SIN3B: variants seen among roughly 807,000 people sequenced by gnomAD.
SIN3B encodes the protein paired amphipathic helix protein Sin3b.
A neutral mutation model predicts 120.2 loss-of-function variants in SIN3B; 19 were observed. The ratio of observed to expected loss-of-function variants is 0.16; its 90% confidence interval spans 0.11 to 0.23. The LOEUF is 0.23. Among genes scored for constraint, SIN3B ranks in the 10% least tolerant of loss-of-function variants. The pLI, the probability that SIN3B is intolerant of heterozygous loss-of-function variation, is 1.00. For synonymous variants in SIN3B, 654 were observed against 653.2 expected, an observed-to-expected ratio of 1.00 and a Z score of -0.02; for missense variants, 1,073 against 1,573.0, an observed-to-expected ratio of 0.68 and a Z score of 5.38.
At chr19:16,869,158 C>A (rs1050884739) in intron 12 of SIN3B, among the ~76,000 whole-genome samples, 4 of 152,140 alleles carry the variant, frequency 2.6e-5, no homozygotes, top group Non-Finnish European at 4.4e-5. Context: ...CGCTGTCAGA[C>A]CCCCTGTGAA....
intron 4 of SIN3B, among the ~76,000 whole-genome samples, chr19:16,845,451 T>C (rs189375611): frequency 1.3e-5 from 2 of 152,036 alleles, no homozygotes; most frequent in Admixed American, 1.3e-4. Flanking sequence ...TTTTGTATTT[T>C]TAGTAGAGAT....
chr19:16,857,517 A>ATG (rs72233219), intron 8 of SIN3B, among the ~76,000 whole-genome samples: 2,802 of 93,462 alleles, frequency 0.03, 52 homozygotes, highest in South Asian at 0.079. Flanking sequence ...TAAAAAAAAT[A>ATG]TGTGTGTGTG....
chr19:16,835,022 G>T (rs564452938), intron 3 of SIN3B, among the ~76,000 whole-genome samples: 1 of 151,090 alleles, frequency 6.6e-6, no homozygotes, highest in Non-Finnish European at 1.5e-5. Context: ...TGCCTCCCCA[G>T]TTCAAGCGAT....
chr19:16,847,430 C>T (rs958189866), intron 5 of SIN3B, among the ~76,000 whole-genome samples: 1 of 152,244 alleles, frequency 6.6e-6, no homozygotes, highest in Non-Finnish European at 1.5e-5. Flanking sequence ...CCCTGCAGAG[C>T]CCCACCCTGC....
At chr19:16,872,183 A>G (rs985170268) in intron 14 of SIN3B, among the ~76,000 whole-genome samples, 1 of 152,064 alleles carries the variant, frequency 6.6e-6, no homozygotes, top group Non-Finnish European at 1.5e-5. Flanking sequence ...GCTGTTCATC[A>G]TAAAGTGGAA....
In SIN3B at chr19:16,829,783, C is replaced by T; in HGVS notation, c.121-8C>T. On this transcript the variant is annotated splice_region_variant and splice_polypyrimidine_tract_variant and intron_variant, in intron 1 of 18. Transcript: ENST00000248054. ...CAGGGCCCACCGGGACCCTCCCCCT[C>T]TCTGCAGGTAGAAGACGCCCTCACC... is the stretch of plus-strand genomic sequence containing the variant. The T allele has an allele frequency of 6.2e-7, 1 of 1,608,840 alleles. No homozygotes were observed.
intron 3 of SIN3B, among the ~76,000 whole-genome samples, chr19:16,838,499 C>T (rs139353171): frequency 9.9e-5 from 15 of 152,232 alleles, no homozygotes; most frequent in Non-Finnish European, 1.5e-4. Context: ...ACATCGGAGC[C>T]GGTATCAGTG....
In SIN3B at chr19:16,876,205, A is replaced by G; in HGVS notation, c.2743A>G (p.Met915Val). Residue 915 changes from methionine (M) to valine (V), a missense_variant, in exon 15 of 19, where the codon ATG (methionine) becomes GTG (valine). This residue lies in a region of SIN3B where 311 missense variants were observed against 400.3 expected (regional missense o/e 0.78). Transcript: ENST00000248054. The surrounding 1 kb of genome is among the most constrained non-coding windows in gnomAD (Gnocchi z 7.1). ...TSYQWKAERC[M>V]ADENCFKVMF... The stretch of plus-strand genomic sequence containing the variant: ...CTACCAGTGGAAGGCTGAGCGCTGC[A>G]TGGCCGACGAGAACTGCTTCAAGGT... 6.2e-7 allele frequency: 1 copy of G among 1,612,190 alleles called. No individual in the cohort carries two copies. Among genetic ancestry groups the G allele is most frequent in the Non-Finnish European group, 8.5e-7 (1 of 1,179,128 alleles).
In SIN3B at chr19:16,847,074, A is replaced by G; in HGVS notation, c.687A>G (p.Ser229=). ...NLFRGQEDLL[S]EFGQFLPEAK... Reference sequence around the variant, plus strand: ...TCCGGGGCCAGGAGGACCTGCTCTCAGAGTTTGGACAGTTCCTGCCCGAAG... The same window carrying G: ...TCCGGGGCCAGGAGGACCTGCTCTCGGAGTTTGGACAGTTCCTGCCCGAAG... Residue 229 remains serine (S), a synonymous_variant, in exon 5 of 19, where the codon TCA becomes TCG. Coordinates refer to ENST00000248054, the MANE Select transcript of SIN3B (RefSeq NM_001297595.2). The G allele has an allele frequency of 1.2e-6, 2 of 1,614,098 alleles. No individual in the cohort carries two copies. Among genetic ancestry groups the G allele is most frequent in the African/African-American group, 1.3e-5 (1 of 75,048 alleles).
intron 5 of SIN3B, 41 bp downstream of exon 5, chr19:16,847,154 C>G: frequency 1.9e-6 from 3 of 1,586,274 alleles, no homozygotes; most frequent in African/African-American, 1.3e-5. Flanking sequence ...GGGGCCTCAG[C>G]GAGGACGGAG....
Position 16,878,975 on chromosome 19 carries a change from G to C in SIN3B, c.*248G>C. The C allele has an allele frequency of 1.8e-6, 1 of 543,482 alleles. No individual in the cohort carries two copies. Among genetic ancestry groups the C allele is most frequent in the Non-Finnish European group, 3.2e-6 (1 of 308,292 alleles). 33.7% of individuals were successfully genotyped at this position (543,482 alleles called of 1,614,324 possible). On this transcript the variant is annotated 3_prime_UTR_variant, in exon 19 of 19. Coordinates refer to ENST00000248054, the MANE Select transcript of SIN3B (RefSeq NM_001297595.2). ...AGCCCCACCACAGGGGCGGGTGGAC[G>C]TGCTGGCCGAGGAACAAGCAATCAT...
At chr19:16,871,419 G>T (rs1315969775) in intron 14 of SIN3B, 21 bp downstream of exon 14, 1 of 1,584,084 alleles carries the variant, frequency 6.3e-7, no homozygotes, top group Admixed American at 1.7e-5. Flanking sequence ...CCGGGGTGGG[G>T]CCGGCCCTGA....
intron 5 of SIN3B, among the ~76,000 whole-genome samples, 196 bp from the exon 6 acceptor site, chr19:16,851,216 T>G (rs1171034056): frequency 6.6e-6 from 1 of 152,114 alleles, no homozygotes; most frequent in African/African-American, 2.4e-5. Flanking sequence ...GCAGTGTTAG[T>G]CTGTGATGAT....
chr19:16,850,636 C>T (rs1168426914), intron 5 of SIN3B, among the ~76,000 whole-genome samples: 1 of 152,226 alleles, frequency 6.6e-6, no homozygotes, highest in Admixed American at 6.5e-5. Flanking sequence ...AGGCGGAGTA[C>T]GATGGAGGTG....
At chr19:16,874,595 G>T (rs2051560487) in intron 14 of SIN3B, among the ~76,000 whole-genome samples, 1 of 148,474 alleles carries the variant, frequency 6.7e-6, no homozygotes, top group African/African-American at 2.5e-5. Flanking sequence ...GGTTTGGTGT[G>T]GTTTTGGTTT....
In SIN3B at chr19:16,862,266, G is replaced by A. The variant is rs1478745081; in HGVS notation, c.1059-86G>A. On this transcript the variant is annotated intron_variant, in intron 8 of 18. Transcript: ENST00000248054. The surrounding 1 kb of genome is among the most constrained non-coding windows in gnomAD (Gnocchi z 4.7). ...ATTCTGACTCTGTTTAACTTGTAATGTCCACATGAAGCCATTCTAAAATCT... is the reference window on the plus strand; with the variant it reads ...ATTCTGACTCTGTTTAACTTGTAATATCCACATGAAGCCATTCTAAAATCT... The A allele has an allele frequency of 1.9e-6, 2 of 1,031,342 alleles. No homozygotes were observed. Among genetic ancestry groups the A allele is most frequent in the South Asian group, 1.5e-5 (1 of 67,730 alleles). The allele number at this position is 1,031,342 out of a possible 1,614,324, so 63.9% of individuals were successfully genotyped here.
Position 16,859,107 on chromosome 19 carries a change from C to CA in SIN3B, c.1059-3244dup, listed in dbSNP as rs1331569436. Among the ~76,000 whole-genome samples the CA allele has an allele frequency of 2.0e-5, 3 of 152,064 alleles. No individual in the cohort carries two copies. The East Asian group carries it at 5.8e-4, about 29-fold the overall frequency. On this transcript the variant is annotated intron_variant, in intron 8 of 18. Coordinates refer to ENST00000248054, the MANE Select transcript of SIN3B (RefSeq NM_001297595.2). ...CAGAGGTTGCAGTGAGCCCTGATCTCACCACTGCACTCAGCCTGGGTAACA... is the reference window on the plus strand; with the variant it reads ...CAGAGGTTGCAGTGAGCCCTGATCTCAACCACTGCACTCAGCCTGGGTAACA...
intron 10 of SIN3B, 82 bp downstream of exon 10, chr19:16,863,878 C>A: frequency 1.1e-6 from 1 of 941,450 alleles, no homozygotes; most frequent in Non-Finnish European, 1.7e-6. Flanking sequence ...TCCTCCTCCA[C>A]TGCCCCAGTC....
Position 16,853,152 on chromosome 19 carries a change from T to C in SIN3B, c.933T>C (p.Phe311=). ...KYGTLQEFSF[F]DKVRRVLKSQ... ...GGACTCTGCAGGAATTTTCTTTCTT[T>C]GACAAGGTGAGGGTGGGCCCTGGCT... Residue 311 remains phenylalanine (F), a synonymous_variant, in exon 7 of 19, where the codon TTT becomes TTC. Transcript: ENST00000248054. 22 of 1,614,058 alleles carry C rather than the reference T, an allele frequency of 1.4e-5. No homozygotes were observed. Among genetic ancestry groups the C allele is most frequent in the Non-Finnish European group, 1.8e-5 (21 of 1,179,906 alleles).
Sources: gnomAD v4.1 joint callset for allele counts (sites outside exome capture counted in the v4.1 genomes callset) on GRCh38, gnomAD v4.1.1 for gene constraint, gnomAD v4.1.1 regional missense constraint, Gnocchi (gnomAD v3.1) non-coding constraint, MANE v1.5 for transcripts, NCBI Gene and HGNC (gene_info 2026-07-23, HGNC 2026-07-21) for gene names.